Variants in IQUB observed in about 807,000 individuals in gnomAD.
IQUB encodes the protein IQ motif and ubiquitin domain containing.
Under a neutral mutation model 86.4 loss-of-function variants are expected in IQUB, and 86 were observed. That is an observed-to-expected ratio of 1.00 (90% CI 0.84 to 1.19). The LOEUF is 1.19. IQUB is among the 50% of genes most tolerant of loss of function. The pLI is 0.00. For missense variants in IQUB, 946 were observed against 916.9 expected (o/e 1.03, Z -0.41); for synonymous variants, 289 against 304.5 (o/e 0.95, Z 0.53).
intron 1 of IQUB, among the ~76,000 whole-genome samples, chr7:123,514,242 C>T (rs971967431): frequency 2.6e-5 from 4 of 151,826 alleles, no homozygotes; most frequent in African/African-American, 9.7e-5. Flanking sequence ...GGAGCCAATG[C>T]AACAATAGGC....
At chr7:123,488,859 A>G (rs545753632) in intron 7 of IQUB, among the ~76,000 whole-genome samples, 1 of 152,360 alleles carries the variant, frequency 6.6e-6, no homozygotes, top group Admixed American at 6.5e-5. Context: ...TCACAATTTT[A>G]TTCATAAAAG....
At chr7:123,471,834 A>T (rs967214168) in intron 8 of IQUB, among the ~76,000 whole-genome samples, 1 of 152,208 alleles carries the variant, frequency 6.6e-6, no homozygotes, top group Non-Finnish European at 1.5e-5. Context: ...AAAAACACAC[A>T]AGTATACAAT....
rs778288856 is a variant in IQUB, at chr7:123,452,703, G to A, written c.*40C>T. On this transcript the variant is annotated 3_prime_UTR_variant, in exon 13 of 13. Coordinates refer to ENST00000324698, the MANE Select transcript of IQUB (RefSeq NM_178827.5). Reference sequence around the variant, plus strand: ...ACCTCTGTATTACCCTATTAGCAGTGAACAAAATGCCGATCATCAAACAAA... The same window carrying A: ...ACCTCTGTATTACCCTATTAGCAGTAAACAAAATGCCGATCATCAAACAAA... 6.9e-7 allele frequency: 1 copy of A among 1,458,810 alleles called. No individual in the cohort carries two copies. Among genetic ancestry groups the A allele is most frequent in the Non-Finnish European group, 9.5e-7 (1 of 1,048,808 alleles). The allele number at this position is 1,458,810 out of a possible 1,614,324, so 90.4% of individuals were successfully genotyped here. A position where few individuals can be genotyped will look rare whatever the true frequency, so the allele number is the denominator to read the frequency against.
intron 1 of IQUB, among the ~76,000 whole-genome samples, chr7:123,523,095 G>T (rs1405163798): frequency 6.6e-6 from 1 of 151,156 alleles, no homozygotes; most frequent in African/African-American, 2.4e-5. Context: ...TCTTAATCCA[G>T]TCTATCATTG....
chr7:123,470,090 C>T (rs185498582), intron 8 of IQUB, among the ~76,000 whole-genome samples: 27 of 152,268 alleles, frequency 1.8e-4, no homozygotes, highest in South Asian at 6.2e-4. Flanking sequence ...TGAGGACTCC[C>T]AGGCTAAGAA....
Position 123,480,090 on chromosome 7 carries a change from C to A in IQUB, c.1235-120G>T. On this transcript the variant is annotated intron_variant, in intron 7 of 12. Coordinates refer to ENST00000324698, the MANE Select transcript of IQUB (RefSeq NM_178827.5). ...AAACAAAAGTATACACAGATAGAAT[C>A]ATTTCTATTGTACACCTGATGCATG... The A allele has an allele frequency of 4.2e-6, 3 of 713,472 alleles. No homozygotes were observed. The South Asian group carries it at 6.3e-5, about 15-fold the overall frequency. 44.2% of individuals were successfully genotyped at this position (713,472 alleles called of 1,614,324 possible).
chr7:123,534,147 G>A (rs1167904923), intron 1 of IQUB, among the ~76,000 whole-genome samples: 1 of 152,154 alleles, frequency 6.6e-6, no homozygotes, highest in Non-Finnish European at 1.5e-5. Flanking sequence ...GGCCACGGAA[G>A]GCTAAGAGTC....
At chr7:123,472,236 T>G (rs1217739189) in intron 8 of IQUB, among the ~76,000 whole-genome samples, 2 of 112,502 alleles carry the variant, frequency 1.8e-5, no homozygotes, top group African/African-American at 6.8e-5. Context: ...AGACCCCAAC[T>G]CAAAAAAAAA....
At chr7:123,497,935 G>C (rs1248732724) in intron 6 of IQUB, among the ~76,000 whole-genome samples, 1 of 151,830 alleles carries the variant, frequency 6.6e-6, no homozygotes, top group African/African-American at 2.4e-5. Flanking sequence ...TGGATGGTCT[G>C]AGCAGAGTGG....
intron 7 of IQUB, among the ~76,000 whole-genome samples, chr7:123,491,026 C>A (rs1169251721): frequency 6.6e-6 from 1 of 151,064 alleles, no homozygotes; most frequent in African/African-American, 2.4e-5. Flanking sequence ...AAATTACATT[C>A]TCTCATTACA....
rs74488511 is a variant in IQUB at position 123,469,222 on chromosome 7, T to C, written c.1573A>G (p.Thr525Ala). The change falls in exon 9 of 13, where the codon ACT becomes GCT. Residue 525 changes from threonine to alanine, a missense_variant. Physicochemically the swap from Thr to Ala is moderately conservative, Grantham distance 58. Coordinates refer to ENST00000324698, the MANE Select transcript of IQUB (RefSeq NM_178827.5). ...RLDVLLTLKH[T>A]VKEHECKLTQ... ...AGAGAAAGTTAACATACCTTTACAG[T>C]GTGTTTAAGAGTTAACAGCACATCC... is the stretch of plus-strand genomic sequence containing the variant. 2.6e-4 allele frequency: 406 copies of C among 1,561,574 alleles called. 5 individuals carry two copies. In the East Asian group the frequency reaches 9.3e-3, roughly 36 times the overall value.
At position 123,479,880 on chromosome 7, in the gene IQUB, GTC is replaced by G. The variant is rs757501132; in HGVS notation, c.1323_1324del (p.Glu441AspfsTer11). 6.2e-7 allele frequency: 1 copy of G among 1,612,872 alleles called. No individual in the cohort carries two copies. The highest frequency in any genetic ancestry group is 2.2e-5 in the East Asian group (1 of 44,828). ...TCTCCCAATGGAAGCAATTATCTGA[GTC>G]TCTTTTTCCAGAAGTTCACACAGAG... On this transcript the variant is annotated frameshift_variant, in exon 8 of 13. Coordinates refer to ENST00000324698, the MANE Select transcript of IQUB (RefSeq NM_178827.5). LOFTEE classifies it high-confidence loss of function.
rs1418690066 is a variant in IQUB at position 123,502,678 on chromosome 7, A to T, written c.942T>A (p.Tyr314Ter). The change falls in exon 6 of 13, where the codon TAT becomes TAA. Residue 314 changes from tyrosine (Y) to a stop codon, truncating the protein, a stop_gained. Transcript: ENST00000324698. LOFTEE classifies it high-confidence loss of function. The stretch of plus-strand genomic sequence containing the variant: ...CCAGTTTATCAGTCATATTTGATAC[A>T]TATACACCAATGTTAGTCATCTGTG... ...TSTQMTNIGV[Y>*]VSNMTDKLVT... The T allele has an allele frequency of 1.2e-6, 2 of 1,611,838 alleles. No homozygotes were observed. Among genetic ancestry groups the T allele is most frequent in the Admixed American group, 3.3e-5 (2 of 59,846 alleles).
At chr7:123,453,805 C>CA (rs1584536487) in intron 12 of IQUB, among the ~76,000 whole-genome samples, 2 of 152,180 alleles carry the variant, frequency 1.3e-5, no homozygotes, top group East Asian at 3.9e-4. Flanking sequence ...ACTGAGACAA[C>CA]AAAAAGTTAT....
At position 123,469,288 on chromosome 7, in the gene IQUB, T is replaced by C. The variant is rs1563434613; in HGVS notation, c.1507A>G (p.Lys503Glu). ...IRARELQNIY[K>E]CIMLKNISQD... ...GAGATATTTTTCAGCATAATGCACT[T>C]ATAGATATTTTGCAGCTCTCTGGCT... Residue 503 changes from lysine to glutamate, a missense_variant, in exon 9 of 13, where the codon AAG (lysine) becomes GAG (glutamate). Lys to Glu is a moderately conservative substitution (Grantham distance 56, BLOSUM62 1). Transcript: ENST00000324698. 1.9e-6 allele frequency: 3 copies of C among 1,610,246 alleles called. No individual in the cohort carries two copies. Among genetic ancestry groups the C allele is most frequent in the Non-Finnish European group, 2.5e-6 (3 of 1,177,946 alleles).
At chr7:123,477,313 A>G (rs1332103685) in intron 8 of IQUB, among the ~76,000 whole-genome samples, 1 of 152,220 alleles carries the variant, frequency 6.6e-6, no homozygotes, top group Non-Finnish European at 1.5e-5. Context: ...ATCTTTGACA[A>G]ACCTGACAAA....
chr7:123,499,573 C>T (rs1795851079), intron 6 of IQUB, among the ~76,000 whole-genome samples: 1 of 151,868 alleles, frequency 6.6e-6, no homozygotes, highest in Non-Finnish European at 1.5e-5. Context: ...TTACCAAATA[C>T]CAAGGATAAA....
intron 1 of IQUB, among the ~76,000 whole-genome samples, chr7:123,527,577 T>C (rs1480994259): frequency 6.6e-6 from 1 of 152,158 alleles, no homozygotes; most frequent in African/African-American, 2.4e-5. Flanking sequence ...CCCGGCCGTG[T>C]GAGGTGTCAG....
In IQUB at chr7:123,469,280, A is replaced by G; in HGVS notation, c.1515T>C (p.Ile505=). Residue 505 remains isoleucine (I), a synonymous_variant, in exon 9 of 13, where the codon ATT becomes ATC. Transcript: ENST00000324698. The part of the protein sequence containing the change: ...ARELQNIYKC[I]MLKNISQDER... ...CATCTTGGGAGATATTTTTCAGCAT[A>G]ATGCACTTATAGATATTTTGCAGCT... 6.2e-7 allele frequency: 1 copy of G among 1,608,868 alleles called. No homozygotes were observed. The highest frequency in any genetic ancestry group is 8.5e-7 in the Non-Finnish European group (1 of 1,177,442).
Sources: allele counts gnomAD v4.1 joint callset (sites outside exome capture counted in the v4.1 genomes callset), GRCh38; gene constraint gnomAD v4.1.1; transcripts MANE v1.5; gene names NCBI Gene and HGNC (gene_info 2026-07-23, HGNC 2026-07-21).